SYNE2: variants seen among roughly 807,000 people sequenced by gnomAD.
SYNE2 encodes the protein spectrin repeat containing nuclear envelope protein 2, also known as nesprin-2.
SYNE2 carries 431 observed loss-of-function variants against 856.3 expected under a neutral mutation model. The ratio of observed to expected loss-of-function variants is 0.50; its 90% CI spans 0.47 to 0.55. The LOEUF (loss-of-function observed/expected upper bound fraction) is 0.55. SYNE2 is among the 20% of genes least tolerant of loss of function. SYNE2 has a pLI of 0.00. For missense variants in SYNE2, 8,129 were observed against 8,023.2 expected (o/e 1.01, Z -0.50); for synonymous variants, 2,923 against 2,872.3 (o/e 1.02, Z -0.56).
chr14:64,119,476 G>A lies in SYNE2; in HGVS notation c.12890G>A (p.Cys4297Tyr). The change falls in exon 67 of 116, where the codon TGC becomes TAC. Residue 4297 changes from cysteine to tyrosine, a missense_variant. By Grantham distance (194) the Cys-to-Tyr change is radical (BLOSUM62 -2). Transcript: ENST00000555002. ...EHKVAFLLET[C>Y]KDQGLGDNGA... ...AAGGTTGCCTTTCTGTTAGAGACTT[G>A]CAAAGATCAGGGCCTGGGAGATAAT... 3 of 1,614,202 alleles carry A rather than the reference G, an allele frequency of 1.9e-6. No individual in the cohort carries two copies. The highest frequency in any genetic ancestry group is 2.5e-6 in the Non-Finnish European group (3 of 1,180,020).
intron 1 of SYNE2, among the ~76,000 whole-genome samples, chr14:63,853,412 G>C (rs1293212182): frequency 6.6e-6 from 1 of 151,580 alleles, no homozygotes; most frequent in Non-Finnish European, 1.5e-5. Flanking sequence ...GGTGGCGTTT[G>C]TCTCTCTGGG....
chr14:63,915,834 A>G (rs2153367018), intron 2 of SYNE2, among the ~76,000 whole-genome samples: 1 of 152,372 alleles, frequency 6.6e-6, no homozygotes, highest in Middle Eastern at 3.4e-3. Context: ...TATTTATTAT[A>G]TACTGAGTAT....
intron 90 of SYNE2, among the ~76,000 whole-genome samples, chr14:64,166,522 T>C (rs917639181): frequency 6.6e-6 from 1 of 152,246 alleles, no homozygotes; most frequent in African/African-American, 2.4e-5. Context: ...TATGGGTGTT[T>C]AAGTCCCTTG....
At chr14:63,856,254 G>T (rs1402351377) in intron 1 of SYNE2, among the ~76,000 whole-genome samples, 1 of 152,190 alleles carries the variant, frequency 6.6e-6, no homozygotes, top group Non-Finnish European at 1.5e-5. Flanking sequence ...TAGCCTATTA[G>T]CCCTTTTTAT....
chr14:64,113,570 A>G lies in SYNE2; in HGVS notation c.12839A>G (p.Gln4280Arg), dbSNP rs748854231. The G allele has an allele frequency of 1.9e-6, 3 of 1,603,168 alleles. No homozygotes were observed. Among genetic ancestry groups the G allele is most frequent in the Non-Finnish European group, 2.6e-6 (3 of 1,174,890 alleles). The part of the protein sequence containing the change: ...QVLEQQLVGC[Q>R]AMLTEIEHKV... ...CTGGAACAGCAGCTGGTAGGGTGCC[A>G]GGTAAGACTGAGAAGTCAGAGTTCA... The change falls in exon 66 of 116, where the codon CAG becomes CGG. Residue 4280 changes from glutamine (Q) to arginine (R), a missense_variant and splice_region_variant. Around this residue, in one of 3 missense-constraint regions of SYNE2, gnomAD observed 5,410 missense variants for 5,284.8 expected, o/e 1.02. Transcript: ENST00000555002.
chr14:64,117,226 GAATATTTGCA>G (rs1232052516), intron 66 of SYNE2, among the ~76,000 whole-genome samples: 8 of 152,236 alleles, frequency 5.3e-5, no homozygotes, highest in African/African-American at 1.9e-4. Context: ...AGGGATTTTG[GAATATTTGCA>G]AATACATAAT....
In SYNE2 at chr14:64,000,612, A is replaced by T. The variant is rs1292266395; in HGVS notation, c.3531A>T (p.Ser1177=). 6.2e-7 allele frequency: 1 copy of T among 1,613,640 alleles called. No homozygotes were observed. Among genetic ancestry groups the T allele is most frequent in the Admixed American group, 1.7e-5 (1 of 59,988 alleles). The change falls in exon 28 of 116, where the codon TCA becomes TCT. Residue 1177 remains serine, a synonymous_variant. Coordinates refer to ENST00000555002, the MANE Select transcript of SYNE2 (RefSeq NM_182914.3). ...DARWKEFEII[S]LKLENHVNDI... ...GCTGGAAAGAGTTTGAAATTATTTCATTGAAGTTAGAAAATCATGTGAATG... is the reference window on the plus strand; with the variant it reads ...GCTGGAAAGAGTTTGAAATTATTTCTTTGAAGTTAGAAAATCATGTGAATG...
chr14:64,088,594 G>C (rs2097581637), intron 58 of SYNE2, among the ~76,000 whole-genome samples: 1 of 152,158 alleles, frequency 6.6e-6, no homozygotes, highest in Admixed American at 6.5e-5. Flanking sequence ...ACTACAGTAA[G>C]ACCCCCTTCT....
Position 64,216,402 on chromosome 14 carries a change from C to T in SYNE2, c.19542+15C>T. The T allele has an allele frequency of 6.2e-7, 1 of 1,613,622 alleles. No individual in the cohort carries two copies. Among genetic ancestry groups the T allele is most frequent in the Non-Finnish European group, 8.5e-7 (1 of 1,179,510 alleles). ...AACCACCCTATGTAAGTCTTAACTTCACTGGGAGTACAGCCTATGTCTGTG... is the reference window on the plus strand; with the variant it reads ...AACCACCCTATGTAAGTCTTAACTTTACTGGGAGTACAGCCTATGTCTGTG... On this transcript the variant is annotated intron_variant, in intron 108 of 115. Transcript: ENST00000555002.
At chr14:63,843,210 T>C (rs1890127152) in intron 1 of SYNE2, among the ~76,000 whole-genome samples, 1 of 151,676 alleles carries the variant, frequency 6.6e-6, no homozygotes, top group South Asian at 2.1e-4. Context: ...CTAATTTTTA[T>C]GCCCGTGTGT....
chr14:63,929,938 G>A (rs2095725592), intron 2 of SYNE2, among the ~76,000 whole-genome samples: 1 of 152,172 alleles, frequency 6.6e-6, no homozygotes, highest in Non-Finnish European at 1.5e-5. Flanking sequence ...GAGGTAGGCA[G>A]GAGCCAGATT....
chr14:63,823,623 ATTTT>A (rs34883942), intron 1 of SYNE2, among the ~76,000 whole-genome samples: 1 of 142,968 alleles, frequency 7.0e-6, no homozygotes, highest in Non-Finnish European at 1.5e-5. Context: ...TGGAAGGAAC[ATTTT>A]TTTTTTTTTT....
chr14:63,955,491 G>A (rs2096230081), intron 8 of SYNE2, among the ~76,000 whole-genome samples: 1 of 152,022 alleles, frequency 6.6e-6, no homozygotes, highest in Admixed American at 6.6e-5. Context: ...TTTCTCAAAA[G>A]CACTTTACTT....
At chr14:63,773,958 A>G (rs79663590) in intron 1 of SYNE2, among the ~76,000 whole-genome samples, 17,912 of 152,204 alleles carry the variant, frequency 0.12, 1,165 homozygotes, top group African/African-American at 0.17. Flanking sequence ...TAATAAAATT[A>G]TTAATGCTTT....
intron 11 of SYNE2, among the ~76,000 whole-genome samples, chr14:63,973,491 G>A (rs1186316664): frequency 6.6e-6 from 1 of 151,796 alleles, no homozygotes; most frequent in African/African-American, 2.4e-5. Context: ...AATTAGCCAG[G>A]TGTGGTGGTG....
chr14:63,926,071 T>A (rs1311149029), intron 2 of SYNE2, among the ~76,000 whole-genome samples: 1 of 152,134 alleles, frequency 6.6e-6, no homozygotes, highest in African/African-American at 2.4e-5. Flanking sequence ...CTTGAACTCC[T>A]GAGCTCAAGC....
In SYNE2 at chr14:63,949,800, G is replaced by A. The variant is rs768588852; in HGVS notation, c.409-25G>A. 1.7e-5 allele frequency: 28 copies of A among 1,613,556 alleles called. 1 individual carries two copies. Among genetic ancestry groups the A allele is most frequent in the South Asian group, 8.8e-5 (8 of 91,018 alleles). On this transcript the variant is annotated intron_variant, in intron 6 of 115. Transcript: ENST00000555002. ...GCTGGTAACTTATGCTTTTATAAACGTTAAGTCTACTTTGCCTTCCTTAGA... is the reference window on the plus strand; with the variant it reads ...GCTGGTAACTTATGCTTTTATAAACATTAAGTCTACTTTGCCTTCCTTAGA...
At chr14:64,178,614 A>G (rs1319737484) in intron 96 of SYNE2, among the ~76,000 whole-genome samples, 3 of 152,058 alleles carry the variant, frequency 2.0e-5, no homozygotes, top group Non-Finnish European at 4.4e-5. Flanking sequence ...ATGCACCGCC[A>G]TGCCCGGCTA....
chr14:63,797,489 A>G (rs1887964707), intron 1 of SYNE2, among the ~76,000 whole-genome samples: 1 of 152,104 alleles, frequency 6.6e-6, no homozygotes, highest in African/African-American at 2.4e-5. Context: ...CTAATTTCTT[A>G]TCTATAAAAA....
Sources: allele counts gnomAD v4.1 joint callset (sites outside exome capture counted in the v4.1 genomes callset), GRCh38; gene constraint gnomAD v4.1.1; regional missense constraint gnomAD v4.1.1; transcripts MANE v1.5; gene names NCBI Gene and HGNC (gene_info 2026-07-23, HGNC 2026-07-21).